ULK1: variants seen among roughly 807,000 people sequenced by gnomAD.
ULK1 encodes unc-51 like autophagy activating kinase 1.
ULK1 carries 48 observed loss-of-function variants against 117.5 expected under a neutral mutation model. The observed-to-expected ratio is 0.41, with a 90% CI of 0.32 to 0.52. The LOEUF is 0.52. ULK1 is among the 20% of genes least tolerant of loss of function. ULK1 has a pLI of 0.29. For missense variants in ULK1, 1,387 were observed against 1,473.4 expected, an observed-to-expected ratio of 0.94 and a Z score of 0.96; for synonymous variants, 790 against 637.8, an observed-to-expected ratio of 1.24 and a Z score of -3.60.
chr12:131,914,786 C>T (rs1401853201), intron 16 of ULK1, among the ~76,000 whole-genome samples: 2 of 152,122 alleles, frequency 1.3e-5, no homozygotes, highest in Non-Finnish European at 2.9e-5. Flanking sequence ...CTGTGTGGGC[C>T]AGTGGGTGTC....
rs1211300554 is a variant in ULK1, at chr12:131,903,332, C to G, written c.247-3560C>G. ...GAGGGTGACTGGCTTGGCATTGGCA[C>G]TGGGCAGAGTGAGGACAGGACTCCA... On this transcript the variant is annotated intron_variant, in intron 3 of 27. Coordinates refer to ENST00000321867, the MANE Select transcript of ULK1 (RefSeq NM_003565.4). The surrounding 1 kb of genome is among the most constrained non-coding windows in gnomAD (Gnocchi z 6.0). 3.3e-5 allele frequency among the ~76,000 whole-genome samples: 5 copies of G among 152,212 alleles called. No individual in the cohort carries two copies. The highest frequency in any genetic ancestry group is 5.9e-5 in the Non-Finnish European group (4 of 68,026).
At chr12:131,917,096 A>C in intron 21 of ULK1, 34 bp downstream of exon 21, 2 of 1,232,834 alleles carry the variant, frequency 1.6e-6, no homozygotes, top group Non-Finnish European at 2.2e-6. Context: ...AGGCTGTGGG[A>C]TGGGGGTCGG....
rs575740744 is a variant in ULK1 at position 131,913,201 on chromosome 12, A to C, written c.1100A>C (p.Asp367Ala). Residue 367 changes from aspartate (D) to alanine (A), a missense_variant, in exon 14 of 28, where the codon GAC (aspartate) becomes GCC (alanine). Transcript: ENST00000321867. ...CCAGCCTTGTCTCCCCCTGCAGGTG[A>C]CCTGGTGGCTGAGGCGCCCAGTGCC... Reference protein sequence around the residue: ...FVMVPAQFPGDLVAEAPSAKP... With the variant: ...FVMVPAQFPGALVAEAPSAKP... The C allele has an allele frequency of 3.8e-6, 6 of 1,582,768 alleles. No individual in the cohort carries two copies. The highest frequency in any genetic ancestry group is 5.1e-6 in the Non-Finnish European group (6 of 1,167,988).
intron 23 of ULK1, 79 bp downstream of exon 23, chr12:131,918,760 A>ATAGGGTGTGTGGGGGG (rs1889984102): frequency 7.4e-6 from 4 of 536,992 alleles, no homozygotes; most frequent in Non-Finnish European, 7.8e-6. Flanking sequence ...TGTGTGGGGT[A>ATAGGGTGTGTGGGGGG]TAGGGTGTGT....
chr12:131,918,532 C>T lies in ULK1; in HGVS notation c.2362C>T (p.His788Tyr). The change falls in exon 23 of 28, where the codon CAC becomes TAC. Residue 788 changes from histidine (H) to tyrosine (Y), a missense_variant. This residue lies in a region of ULK1 where 900 missense variants were observed against 858.9 expected (regional missense o/e 1.05). Transcript: ENST00000321867. Reference protein sequence around the residue: ...PTGSASSSARHLVPGPCSEAP... With the variant: ...PTGSASSSARYLVPGPCSEAP... The stretch of plus-strand genomic sequence containing the variant: ...TGGCTCTGCCAGCTCTTCTGCCCGC[C>T]ACCTGGTGCCTGGGCCCTGCAGCGA... 1 of 1,610,994 alleles carries T rather than the reference C, an allele frequency of 6.2e-7. No homozygotes were observed. The highest frequency in any genetic ancestry group is 8.5e-7 in the Non-Finnish European group (1 of 1,179,188).
chr12:131,917,369 G>GGTGGGGCTTGGAGGCTGTGGGA (rs200803960), intron 21 of ULK1, 42 bp from the exon 22 acceptor site: 1 of 1,403,936 alleles, frequency 7.1e-7, no homozygotes, highest in African/African-American at 1.5e-5. Flanking sequence ...ATGGGGGTCG[G>GGTGGGGCTTGGAGGCTGTGGGA]CGGGAGTCAG....
chr12:131,907,300 C>T (rs903171897), intron 4 of ULK1, among the ~76,000 whole-genome samples, 195 bp from the exon 5 acceptor site: 2 of 152,208 alleles, frequency 1.3e-5, no homozygotes, highest in African/African-American at 4.8e-5. Context: ...GGATTACAGG[C>T]GTGAGCTGCC....
At chr12:131,907,395 A>G in intron 4 of ULK1, 100 bp from the exon 5 acceptor site, 1 of 1,470,460 alleles carries the variant, frequency 6.8e-7, no homozygotes, top group Non-Finnish European at 9.2e-7. Flanking sequence ...CTGCGGGCTC[A>G]GGGAGTAGTG....
chr12:131,916,108 C>T lies in ULK1; in HGVS notation c.1827C>T (p.Pro609=), dbSNP rs77188001. 11,832 of 1,612,586 alleles carry T rather than the reference C, an allele frequency of 7.3e-3. 747 individuals are homozygous for T. The Admixed American group carries it at 0.14, about 18-fold the overall frequency. The change falls in exon 19 of 28, where the codon CCC becomes CCT. Residue 609 remains proline (P), a synonymous_variant. Transcript: ENST00000321867. ...ACCTGCGGGGCTCACCCAAGCTGCC[C>T]GACTTCCTGCAGCGAAACCCCCTGC... The part of the protein sequence containing the change: ...CRNLRGSPKL[P]DFLQRNPLPP...
chr12:131,916,001 C>T lies in ULK1; in HGVS notation c.1720C>T (p.Pro574Ser), dbSNP rs756363857. Residue 574 changes from proline to serine, a missense_variant, in exon 19 of 28, where the codon CCC becomes TCC. Physicochemically the swap from Pro to Ser is moderately conservative, Grantham distance 74. Around this residue, in one of 4 missense-constraint regions of ULK1, gnomAD observed 900 missense variants for 858.9 expected, o/e 1.05. Coordinates refer to ENST00000321867, the MANE Select transcript of ULK1 (RefSeq NM_003565.4). ...HVVRPKLPKP[P>S]TDPLGAVFSP... ...CGTCCGCCCCAAGCTGCCCAAACCC[C>T]CCACGGACCCCCTGGGAGCTGTGTT... 4 of 1,612,292 alleles carry T rather than the reference C, an allele frequency of 2.5e-6. No individual in the cohort carries two copies. The South Asian group carries it at 4.4e-5, about 18-fold the overall frequency.
At position 131,903,651 on chromosome 12, in the gene ULK1, C is replaced by G. The variant is rs1168365209; in HGVS notation, c.247-3241C>G. 6.6e-6 allele frequency among the ~76,000 whole-genome samples: 1 copy of G among 152,120 alleles called. No homozygotes were observed. Among genetic ancestry groups the G allele is most frequent in the Non-Finnish European group, 1.5e-5 (1 of 68,004 alleles). ...GAATGCCTGTGGTGAGGTGGATGCC[C>G]CCACCCTACCCTGCAGCCCCACCCC... On this transcript the variant is annotated intron_variant, in intron 3 of 27. Transcript: ENST00000321867. This position sits in a 1 kb window ranked among gnomAD's most constrained non-coding sequence, Gnocchi z 6.0.
chr12:131,915,702 G>C (rs1330119066), intron 18 of ULK1, among the ~76,000 whole-genome samples, 189 bp from the exon 19 acceptor site: 2 of 152,130 alleles, frequency 1.3e-5, no homozygotes, highest in African/African-American at 4.8e-5. Context: ...CTGGGAGGCA[G>C]AGGTTGCAGT....
At chr12:131,905,888 C>T (rs919500819) in intron 3 of ULK1, among the ~76,000 whole-genome samples, 2 of 152,148 alleles carry the variant, frequency 1.3e-5, no homozygotes, top group African/African-American at 4.8e-5. Context: ...ACTGGTGGCA[C>T]CCCCGGTCAG....
Position 131,915,346 on chromosome 12 carries a change from C to A in ULK1, c.1534C>A (p.Pro512Thr). ...YTPSPQVGTI[P>T]ERPGWSGTPS... ...CTCTTTTCCCCAAGTTGGAACCATC[C>A]CTGAGCGGCCAGGCTGGAGCGGGAC... Residue 512 changes from proline (P) to threonine (T), a missense_variant, in exon 18 of 28, where the codon CCT becomes ACT. Coordinates refer to ENST00000321867, the MANE Select transcript of ULK1 (RefSeq NM_003565.4). 6.2e-7 allele frequency: 1 copy of A among 1,612,782 alleles called. No homozygotes were observed. The highest frequency in any genetic ancestry group is 1.7e-5 in the Admixed American group (1 of 60,022).
chr12:131,907,269 C>T (rs1352007593), intron 4 of ULK1, among the ~76,000 whole-genome samples: 1 of 152,236 alleles, frequency 6.6e-6, no homozygotes, highest in African/African-American at 2.4e-5. Flanking sequence ...GATCTGCCCA[C>T]CTTGGCCTCC....
Position 131,921,902 on chromosome 12 carries a change from G to C in ULK1, c.*541G>C, listed in dbSNP as rs756728260. The C allele has an allele frequency of 2.2e-6, 1 of 457,328 alleles. No individual in the cohort carries two copies. Among genetic ancestry groups the C allele is most frequent in the South Asian group, 1.5e-5 (1 of 64,578 alleles). The allele number at this position is 457,328 out of a possible 1,614,324, so 28.3% of individuals were successfully genotyped here. A position where few individuals can be genotyped will look rare whatever the true frequency, so the allele number is the denominator to read the frequency against. On this transcript the variant is annotated 3_prime_UTR_variant, in exon 28 of 28. Coordinates refer to ENST00000321867, the MANE Select transcript of ULK1 (RefSeq NM_003565.4). ...GACTGCTGGGCAGCGATTCCTGGCAGTGGCCTGGTGTTTGTACATACACAT... is the reference window on the plus strand; with the variant it reads ...GACTGCTGGGCAGCGATTCCTGGCACTGGCCTGGTGTTTGTACATACACAT...
chr12:131,918,167 G>A (rs570625621), intron 22 of ULK1: 46 of 397,232 alleles, frequency 1.2e-4, no homozygotes, highest in East Asian at 2.4e-4. Context: ...ACCAAGCCAC[G>A]CACCTACCCC....
intron 3 of ULK1, among the ~76,000 whole-genome samples, chr12:131,900,474 A>C (rs1889042282): frequency 1.3e-5 from 2 of 152,210 alleles, no homozygotes; most frequent in Admixed American, 6.5e-5. Context: ...CCTGGGGAGC[A>C]CCTGGCCTCC....
intron 3 of ULK1, among the ~76,000 whole-genome samples, chr12:131,899,061 A>G (rs1888988022): frequency 6.7e-6 from 1 of 150,218 alleles, no homozygotes; most frequent in African/African-American, 2.5e-5. Flanking sequence ...GTATTAAAAA[A>G]TTTATACAAT....
Sources: allele counts gnomAD v4.1 joint callset (sites outside exome capture counted in the v4.1 genomes callset), GRCh38; gene constraint gnomAD v4.1.1; regional missense constraint gnomAD v4.1.1; non-coding constraint Gnocchi (gnomAD v3.1); transcripts MANE v1.5; gene names NCBI Gene and HGNC (gene_info 2026-07-23, HGNC 2026-07-21).